Variants in CALN1 observed in about 807,000 individuals in gnomAD.
CALN1 encodes calcium-binding protein 8.
CALN1 carries 17 observed loss-of-function variants against 30.6 expected under a neutral mutation model. The ratio of observed to expected loss-of-function variants is 0.56; its 90% confidence interval spans 0.38 to 0.83. The LOEUF (loss-of-function observed/expected upper bound fraction) is 0.83. Ranked by LOEUF, CALN1 falls within the 40% of genes least tolerant of loss-of-function variation. The pLI is 0.00. For synonymous variants in CALN1, 156 were observed against 131.4 expected (o/e 1.19, Z -1.28); for missense variants, 291 against 354.9 (o/e 0.82, Z 1.45).
chr7:71,799,446 T>TTAGTTAG lies in CALN1; in HGVS notation c.658+10889_658+10890insCTAACTA, dbSNP rs1562789433. On this transcript the variant is annotated intron_variant, in intron 6 of 6. Transcript: ENST00000395275. ...TTTTATTTATTTATTTATTTATTTA[T>TTAGTTAG]TTATTTAGTTAGTTAGTTAGTTAGT... Among the ~76,000 whole-genome samples the TTAGTTAG allele has an allele frequency of 2.2e-5, 3 of 136,460 alleles. 1 individual carries two copies. The highest frequency in any genetic ancestry group is 8.1e-5 in the African/African-American group (3 of 37,118). 89.5% of individuals were successfully genotyped at this position (136,460 alleles called of 152,430 possible). A position where few individuals can be genotyped will look rare whatever the true frequency, so the allele number is the denominator to read the frequency against.
chr7:72,424,942 G>A (rs1807749227), intron 1 of CALN1, among the ~76,000 whole-genome samples: 1 of 152,028 alleles, frequency 6.6e-6, no homozygotes, highest in Non-Finnish European at 1.5e-5. Flanking sequence ...CACTCAAGCG[G>A]GTGTAAGGCT....
chr7:72,405,788 G>A (rs1806655293), intron 1 of CALN1, among the ~76,000 whole-genome samples: 1 of 152,178 alleles, frequency 6.6e-6, no homozygotes, highest in Non-Finnish European at 1.5e-5. Flanking sequence ...CACCATGGAA[G>A]TTGTGATTGG....
At chr7:72,076,611 CAAAAA>C (rs572245834) in intron 4 of CALN1, among the ~76,000 whole-genome samples, 52 of 6,120 alleles carry the variant, frequency 8.5e-3, no homozygotes, top group African/African-American at 0.018. Flanking sequence ...AAAAAAAAAG[CAAAAA>C]AAAAAAAAAA....
chr7:71,930,319 GAC>G (rs1795483019), intron 5 of CALN1, among the ~76,000 whole-genome samples: 2 of 152,196 alleles, frequency 1.3e-5, no homozygotes, highest in African/African-American at 4.8e-5. Context: ...TTTCCTTAAA[GAC>G]ATAATGTCGA....
intron 5 of CALN1, among the ~76,000 whole-genome samples, chr7:71,989,828 G>A (rs939958061): frequency 2.6e-5 from 4 of 152,018 alleles, no homozygotes; most frequent in Non-Finnish European, 5.9e-5. Flanking sequence ...AAAAATCCAG[G>A]CACACTATGG....
chr7:72,259,040 C>G (rs926010148), intron 3 of CALN1, among the ~76,000 whole-genome samples: 3 of 151,648 alleles, frequency 2.0e-5, no homozygotes, highest in African/African-American at 7.3e-5. Context: ...AAGATCACAT[C>G]ACTGCACTCC....
chr7:71,890,090 T>C (rs1025175337), intron 5 of CALN1, among the ~76,000 whole-genome samples: 1 of 152,142 alleles, frequency 6.6e-6, no homozygotes, highest in Non-Finnish European at 1.5e-5. Context: ...GCAATGAGAA[T>C]GAGAACAGAG....
chr7:72,205,565 T>TATATATATAC (rs1562733703), intron 3 of CALN1, among the ~76,000 whole-genome samples: 1 of 116,770 alleles, frequency 8.6e-6, no homozygotes, highest in Admixed American at 9.0e-5. Context: ...TATATATATA[T>TATATATATAC]ATGTATATAT....
At chr7:72,106,128 G>A in intron 4 of CALN1, 23 bp downstream of exon 4, 1 of 1,611,286 alleles carries the variant, frequency 6.2e-7, no homozygotes, top group East Asian at 2.2e-5. Context: ...TCTCAGGGGA[G>A]AAGCTGCTTG....
intron 5 of CALN1, among the ~76,000 whole-genome samples, chr7:71,820,419 C>G (rs1406659237): frequency 2.0e-5 from 3 of 152,198 alleles, no homozygotes; most frequent in African/African-American, 7.2e-5. Flanking sequence ...CTCAGGACCT[C>G]CTGAGGGCTG....
chr7:72,137,618 C>T (rs540478467), intron 3 of CALN1, among the ~76,000 whole-genome samples: 2 of 152,192 alleles, frequency 1.3e-5, no homozygotes, highest in East Asian at 3.9e-4. Context: ...TGTGGTATGC[C>T]AGTATGATCC....
chr7:71,928,758 G>A (rs995893556), intron 5 of CALN1, among the ~76,000 whole-genome samples: 4 of 151,998 alleles, frequency 2.6e-5, no homozygotes, highest in Non-Finnish European at 4.4e-5. Flanking sequence ...TAGGCCTGGC[G>A]CAGTGGCTCA....
chr7:71,788,726 T>C lies in CALN1; in HGVS notation c.659-824A>G, dbSNP rs184050614. ...AGGCTGGAGTGCAGTGGCATGATCTTGGCTCACTACAAGCTCCACCTCCCA... is the reference window on the plus strand; with the variant it reads ...AGGCTGGAGTGCAGTGGCATGATCTCGGCTCACTACAAGCTCCACCTCCCA... On this transcript the variant is annotated intron_variant, in intron 6 of 6. Transcript: ENST00000395275. Among the ~76,000 whole-genome samples, 783 of 152,020 alleles carry C rather than the reference T, an allele frequency of 5.2e-3. 16 individuals carry two copies. The East Asian group carries it at 0.087, about 17-fold the overall frequency.
intron 5 of CALN1, among the ~76,000 whole-genome samples, chr7:71,981,516 T>C (rs1188713699): frequency 1.3e-5 from 2 of 151,954 alleles, no homozygotes; most frequent in African/African-American, 4.8e-5. Flanking sequence ...ATACAAAAAT[T>C]AGCCAGGCAC....
intron 3 of CALN1, among the ~76,000 whole-genome samples, chr7:72,192,362 G>A (rs1790668758): frequency 6.6e-6 from 1 of 152,168 alleles, no homozygotes; most frequent in African/African-American, 2.4e-5. Flanking sequence ...TCAAAACACA[G>A]TAATATATTC....
the CALN1 span, among the ~76,000 whole-genome samples, chr7:72,457,944 T>C: frequency 6.6e-6 from 1 of 150,568 alleles, no homozygotes; most frequent in Non-Finnish European, 1.5e-5. Context: ...TTTGTAGAGA[T>C]AGGGTTTTGT....
intron 5 of CALN1, among the ~76,000 whole-genome samples, chr7:71,900,960 G>A (rs1237936396): frequency 2.0e-5 from 3 of 152,096 alleles, no homozygotes; most frequent in African/African-American, 7.2e-5. Flanking sequence ...GCCCTTTCAT[G>A]AATAATCATG....
chr7:72,466,926 G>C, the CALN1 span, among the ~76,000 whole-genome samples: 6,164 of 152,154 alleles, frequency 0.041, 163 homozygotes, highest in Non-Finnish European at 0.061. Context: ...AAAATGATAT[G>C]TAGGAAGTGA....
intron 5 of CALN1, among the ~76,000 whole-genome samples, chr7:71,978,262 C>CTTTTTTTTTTTTTTTTTTTTTTTT (rs1010635078): frequency 4.1e-5 from 3 of 72,950 alleles, no homozygotes; most frequent in African/African-American, 1.7e-4. Flanking sequence ...CTAGAGAATT[C>CTTTTTTTTTTTTTTTTTTTTTTTT]TTTTTTTTTT....
Sources: allele counts gnomAD v4.1 joint callset (sites outside exome capture counted in the v4.1 genomes callset), GRCh38; gene constraint gnomAD v4.1.1; transcripts MANE v1.5; gene names NCBI Gene and HGNC (gene_info 2026-07-23, HGNC 2026-07-21).